Variants in EXD2 observed in about 807,000 individuals in gnomAD.
The protein encoded by EXD2 is exonuclease 3'-5' domain-containing protein 2.
Under a neutral mutation model 62.5 loss-of-function variants are expected in EXD2, and 40 were observed. That is an observed-to-expected ratio of 0.64 (90% confidence interval 0.50 to 0.83). The LOEUF (loss-of-function observed/expected upper bound fraction) is 0.83, where lower values mean the gene tolerates loss of function less well. EXD2 is among the 40% of genes least tolerant of loss of function. The pLI is 0.00. For synonymous variants in EXD2, 239 were observed against 291.9 expected (o/e 0.82, Z 1.85); for missense variants, 671 against 761.8 (o/e 0.88, Z 1.40).
At chr14:69,229,532 C>T (rs1357287895) in intron 4 of EXD2, among the ~76,000 whole-genome samples, 1 of 152,156 alleles carries the variant, frequency 6.6e-6, no homozygotes, top group East Asian at 1.9e-4. Flanking sequence ...TGAGCGTGCT[C>T]TGTTCAGTTT....
At position 69,228,919 on chromosome 14, in the gene EXD2, A is replaced by G. The variant is rs761730523; in HGVS notation, c.437A>G (p.Lys146Arg). Residue 146 changes from lysine (K) to arginine (R), a missense_variant, in exon 4 of 10, where the codon AAA (lysine) becomes AGA (arginine). By Grantham distance (26) the Lys-to-Arg change is conservative (BLOSUM62 2). Coordinates refer to ENST00000685843, the MANE Select transcript of EXD2 (RefSeq NM_001193360.2). ...CTGCCCAAGCTAATCTGTGGAGGAA[A>G]AACACTACCAAGAACGTTATTGGAT... ...VRLPKLICGG[K>R]TLPRTLLDIL... The G allele has an allele frequency of 2.5e-6, 4 of 1,614,150 alleles. No homozygotes were observed. Among genetic ancestry groups the G allele is most frequent in the Non-Finnish European group, 3.4e-6 (4 of 1,180,028 alleles).
chr14:69,208,707 C>T (rs2042704007), intron 2 of EXD2: 1 of 152,234 alleles, frequency 6.6e-6, no homozygotes, highest in South Asian at 2.1e-4. Flanking sequence ...GCTGTGGACA[C>T]TTCAGTTTGC....
At chr14:69,223,218 G>A (rs2043244977) in intron 3 of EXD2, among the ~76,000 whole-genome samples, 3 of 152,096 alleles carry the variant, frequency 2.0e-5, no homozygotes, top group Non-Finnish European at 4.4e-5. Flanking sequence ...AAATACCATT[G>A]ATATGGTGAT....
chr14:69,192,845 G>A (rs1023259849), intron 1 of EXD2, among the ~76,000 whole-genome samples: 2 of 152,136 alleles, frequency 1.3e-5, no homozygotes, highest in Admixed American at 6.6e-5. Flanking sequence ...TAAATTCCAT[G>A]GTTATGTAAG....
intron 3 of EXD2, among the ~76,000 whole-genome samples, chr14:69,227,103 C>T (rs537557281): frequency 1.3e-5 from 2 of 152,282 alleles, no homozygotes; most frequent in East Asian, 3.9e-4. Flanking sequence ...GTTTCTCAGC[C>T]TCCCCGCTAT....
chr14:69,227,898 T>G lies in EXD2; in HGVS notation c.334-918T>G, dbSNP rs188053487. 20 of 151,394 alleles carry G rather than the reference T, an allele frequency of 1.3e-4. No individual in the cohort carries two copies. In the East Asian group the frequency reaches 3.9e-3, roughly 29 times the overall value. 9.4% of individuals were successfully genotyped at this position (151,394 alleles called of 1,614,324 possible). A position where few individuals can be genotyped will look rare whatever the true frequency, so the allele number is the denominator to read the frequency against. ...TAAAGTTTTTTGTATCTTTTAAGAT[T>G]TAAAGGCCCTAACTTATGCTCAATA... On this transcript the variant is annotated intron_variant, in intron 3 of 9. Transcript: ENST00000685843.
At position 69,229,025 on chromosome 14, in the gene EXD2, CGTT is replaced by C. The variant is rs1264746967; in HGVS notation, c.547_549del (p.Val183del). 5 of 1,614,012 alleles carry C rather than the reference CGTT, an allele frequency of 3.1e-6. No individual in the cohort carries two copies. Among genetic ancestry groups the C allele is most frequent in the Non-Finnish European group, 4.2e-6 (5 of 1,180,038 alleles). ...GCAAGCTTCTGCAGGATTATGGCCTCGTTGTTAGGGGGTGCCTGGACCTCCGAT... is the reference window on the plus strand; with the variant it reads ...GCAAGCTTCTGCAGGATTATGGCCTCGTTAGGGGGTGCCTGGACCTCCGAT... On this transcript the variant is annotated inframe_deletion, in exon 4 of 10. Coordinates refer to ENST00000685843, the MANE Select transcript of EXD2 (RefSeq NM_001193360.2).
chr14:69,201,324 G>A (rs1398054803), intron 1 of EXD2, among the ~76,000 whole-genome samples: 3 of 151,762 alleles, frequency 2.0e-5, no homozygotes, highest in African/African-American at 7.3e-5. Flanking sequence ...GAGTAACTGG[G>A]ACTACAAGCA....
chr14:69,237,147 C>A (rs535149395), intron 8 of EXD2, among the ~76,000 whole-genome samples: 16 of 152,242 alleles, frequency 1.1e-4, no homozygotes, highest in African/African-American at 3.6e-4. Flanking sequence ...ACCTGGTGAA[C>A]CAGGGAAATA....
chr14:69,220,269 T>G (rs1362762355), intron 3 of EXD2, among the ~76,000 whole-genome samples: 3 of 107,598 alleles, frequency 2.8e-5, no homozygotes, highest in South Asian at 3.5e-4. Flanking sequence ...TTTTTTTTTT[T>G]TTTTTTTTTT....
At chr14:69,235,820 A>G in intron 6 of EXD2, 1 of 543,034 alleles carries the variant, frequency 1.8e-6, no homozygotes, top group Non-Finnish European at 3.3e-6. Context: ...CTAGTCCATA[A>G]GTGTAAAAAC....
rs933450722 is a variant in EXD2 at position 69,236,525 on chromosome 14, G to C, written c.1275G>C (p.Lys425Asn). Reference protein sequence around the residue: ...VKENLCVVCGKRDSYIRKNVI... With the variant: ...VKENLCVVCGNRDSYIRKNVI... ...AGAACCTGTGTGTAGTGTGTGGCAA[G>C]AGAGACTCCTACATTCGGTGAGTGC... Residue 425 changes from lysine (K) to asparagine (N), a missense_variant, in exon 8 of 10, where the codon AAG becomes AAC. Physicochemically the swap from Lys to Asn is moderately conservative, Grantham distance 94 (BLOSUM62 0). Coordinates refer to ENST00000685843, the MANE Select transcript of EXD2 (RefSeq NM_001193360.2). 2 of 1,614,170 alleles carry C rather than the reference G, an allele frequency of 1.2e-6. No homozygotes were observed. Among genetic ancestry groups the C allele is most frequent in the Admixed American group, 1.7e-5 (1 of 60,032 alleles).
chr14:69,236,307 C>T, intron 7 of EXD2, 100 bp from the exon 8 acceptor site: 2 of 1,590,358 alleles, frequency 1.3e-6, no homozygotes, highest in East Asian at 2.2e-5. Flanking sequence ...ATCATGTTCT[C>T]TGCCAGGCCA....
At position 69,215,162 on chromosome 14, in the gene EXD2, C is replaced by T. The variant is rs116297942; in HGVS notation, c.333+5359C>T. Among the ~76,000 whole-genome samples the T allele has an allele frequency of 7.1e-3, 1,084 of 152,090 alleles. 13 individuals carry two copies. The highest frequency in any genetic ancestry group is 0.025 in the African/African-American group (1,035 of 41,462). ...AATTAGCCAGGTGTGGTGATGCATACAGGTATAATCCCAGTTACTTGGGAG... is the reference window on the plus strand; with the variant it reads ...AATTAGCCAGGTGTGGTGATGCATATAGGTATAATCCCAGTTACTTGGGAG... On this transcript the variant is annotated intron_variant, in intron 3 of 9. Transcript: ENST00000685843.
chr14:69,221,020 C>A (rs1594760332), intron 3 of EXD2, among the ~76,000 whole-genome samples: 1 of 152,146 alleles, frequency 6.6e-6, no homozygotes, highest in East Asian at 1.9e-4. Flanking sequence ...GTGCATACCA[C>A]CATGCCTGGC....
chr14:69,223,549 G>A (rs1317734959), intron 3 of EXD2, among the ~76,000 whole-genome samples: 4 of 152,166 alleles, frequency 2.6e-5, no homozygotes, highest in Admixed American at 1.3e-4. Flanking sequence ...ATAACAGCAT[G>A]CTATCACAAA....
chr14:69,225,116 G>A (rs2043315037), intron 3 of EXD2, among the ~76,000 whole-genome samples: 1 of 152,056 alleles, frequency 6.6e-6, no homozygotes, highest in East Asian at 1.9e-4. Flanking sequence ...GCCACATTGG[G>A]CCTTAGTTCT....
rs1487737028 is a variant in EXD2, at chr14:69,241,902, G to A, written c.*802G>A. On this transcript the variant is annotated 3_prime_UTR_variant, in exon 10 of 10. Transcript: ENST00000685843. Reference sequence around the variant, plus strand: ...GTTGCACTCCTCCTGCCCCAGAACTGCAAGATTTTTAGCTTCACCCCTTTC... The same window carrying A: ...GTTGCACTCCTCCTGCCCCAGAACTACAAGATTTTTAGCTTCACCCCTTTC... 2 of 398,894 alleles carry A rather than the reference G, an allele frequency of 5.0e-6. No homozygotes were observed. Among genetic ancestry groups the A allele is most frequent in the Admixed American group, 4.4e-5 (1 of 22,720 alleles). 24.7% of individuals were successfully genotyped at this position (398,894 alleles called of 1,614,324 possible). A position where few individuals can be genotyped will look rare whatever the true frequency, so the allele number is the denominator to read the frequency against.
At chr14:69,195,731 G>A (rs376412196) in intron 1 of EXD2, among the ~76,000 whole-genome samples, 92 of 152,202 alleles carry the variant, frequency 6.0e-4, no homozygotes, top group African/African-American at 2.2e-3. Context: ...TCTGTCTTTC[G>A]AGATCTGGGT....
Sources: allele counts gnomAD v4.1 joint callset (sites outside exome capture counted in the v4.1 genomes callset), GRCh38; gene constraint gnomAD v4.1.1; transcripts MANE v1.5; gene names NCBI Gene and HGNC (gene_info 2026-07-23, HGNC 2026-07-21).